JARID2: variants seen among roughly 807,000 people sequenced by gnomAD.
JARID2 encodes the protein protein Jumonji.
In JARID2, 21 loss-of-function variants were observed where a neutral mutation model predicts 125.6. The ratio of observed to expected loss-of-function variants is 0.17; its 90% confidence interval spans 0.12 to 0.24. JARID2 has a LOEUF of 0.24. JARID2 is among the 10% of genes least tolerant of loss of function. The pLI is 1.00. For synonymous variants in JARID2, 736 were observed against 661.6 expected (o/e 1.11, Z -1.73); for missense variants, 1,303 against 1,639.6 (o/e 0.79, Z 3.55).
Position 15,468,696 on chromosome 6 carries a change from C to G in JARID2, c.648C>G (p.His216Gln), listed in dbSNP as rs753721185. Residue 216 changes from histidine (H) to glutamine (Q), a missense_variant, in exon 5 of 18, where the codon CAC (histidine) becomes CAG (glutamine). Transcript: ENST00000341776. ...CQSTPRKGKT[H>Q]KHVHNGHVFN... ...CGACCCCCAGGAAAGGAAAAACCCA[C>G]AAACATGTTCACAACGGGCATGGTA... is the stretch of plus-strand genomic sequence containing the variant. The G allele has an allele frequency of 8.7e-6, 14 of 1,613,238 alleles. No individual in the cohort carries two copies. The highest frequency in any genetic ancestry group is 1.2e-5 in the Non-Finnish European group (14 of 1,179,602).
intron 1 of JARID2, among the ~76,000 whole-genome samples, chr6:15,349,774 A>ACCT (rs1763364130): frequency 6.6e-6 from 1 of 152,132 alleles, no homozygotes; most frequent in Non-Finnish European, 1.5e-5. Context: ...TGGGGATGCT[A>ACCT]CCTCCTTCCC....
At chr6:15,472,336 C>A (rs901925232) in intron 5 of JARID2, among the ~76,000 whole-genome samples, 1 of 152,070 alleles carries the variant, frequency 6.6e-6, no homozygotes, top group Non-Finnish European at 1.5e-5. Context: ...AGGAAGCATA[C>A]CCAAACCAGC....
At chr6:15,306,940 T>A (rs928521415) in intron 1 of JARID2, among the ~76,000 whole-genome samples, 3 of 148,548 alleles carry the variant, frequency 2.0e-5, no homozygotes, top group Non-Finnish European at 3.0e-5. Context: ...ATATATATAT[T>A]TTTAACATTA....
At chr6:15,332,943 T>C (rs1245632146) in intron 1 of JARID2, among the ~76,000 whole-genome samples, 6 of 135,472 alleles carry the variant, frequency 4.4e-5, no homozygotes, top group African/African-American at 1.4e-4. Context: ...TTCTTTTTTT[T>C]TTTTTTTTTT....
chr6:15,406,259 C>A (rs557345952), intron 2 of JARID2, among the ~76,000 whole-genome samples: 2 of 152,274 alleles, frequency 1.3e-5, no homozygotes, highest in East Asian at 1.9e-4. Context: ...CATGGTGAAA[C>A]CCCGTCTCTA....
rs142298484 is a variant in JARID2 at position 15,372,618 on chromosome 6, T to C, written c.46-1499T>C. ...ATCCGTCCGCCTTGTCCTCTCAAAG[T>C]GCTGGGATTACAGGCATGAGCCACT... On this transcript the variant is annotated intron_variant, in intron 1 of 17. Transcript: ENST00000341776. 7.5e-3 allele frequency among the ~76,000 whole-genome samples: 1,143 copies of C among 152,274 alleles called. 15 individuals carry two copies. Among genetic ancestry groups the C allele is most frequent in the African/African-American group, 0.026 (1,084 of 41,548 alleles).
At chr6:15,457,265 G>A (rs1236889058) in intron 4 of JARID2, among the ~76,000 whole-genome samples, 4 of 152,112 alleles carry the variant, frequency 2.6e-5, no homozygotes, top group Non-Finnish European at 2.9e-5. Context: ...TGCTAATGAC[G>A]CATATCCTTA....
At chr6:15,416,339 C>T (rs1766209532) in intron 3 of JARID2, among the ~76,000 whole-genome samples, 1 of 152,194 alleles carries the variant, frequency 6.6e-6, no homozygotes, top group African/African-American at 2.4e-5. Context: ...AGGCAGGCGG[C>T]TGGGAGGTGG....
At chr6:15,430,193 T>A (rs1766910606) in intron 3 of JARID2, among the ~76,000 whole-genome samples, 1 of 152,232 alleles carries the variant, frequency 6.6e-6, no homozygotes, top group Non-Finnish European at 1.5e-5. Flanking sequence ...TATCTGACGT[T>A]CTTGCTAAGA....
At chr6:15,319,647 C>T (rs1427099617) in intron 1 of JARID2, among the ~76,000 whole-genome samples, 1 of 152,118 alleles carries the variant, frequency 6.6e-6, no homozygotes, top group East Asian at 1.9e-4. Context: ...CTCAAGTGAT[C>T]CACCTGCTTC....
At chr6:15,468,494 G>A (rs79097145) in intron 4 of JARID2, 48 bp from the exon 5 acceptor site, 2 of 601,366 alleles carry the variant, frequency 3.3e-6, no homozygotes, top group Non-Finnish European at 4.3e-6. Context: ...TCTGGAAAGG[G>A]TGAGGGTCAA....
chr6:15,337,412 A>G (rs1396650743), intron 1 of JARID2, among the ~76,000 whole-genome samples: 1 of 152,154 alleles, frequency 6.6e-6, no homozygotes, highest in Non-Finnish European at 1.5e-5. Context: ...ACCTCCTGTT[A>G]TCCTTTCCTC....
chr6:15,507,467 A>C, intron 11 of JARID2, 51 bp downstream of exon 11: 1 of 1,500,964 alleles, frequency 6.7e-7, no homozygotes. Flanking sequence ...CATGAGTCCT[A>C]CTTGCTGAGA....
At chr6:15,341,912 T>A (rs566351159) in intron 1 of JARID2, among the ~76,000 whole-genome samples, 1 of 152,342 alleles carries the variant, frequency 6.6e-6, no homozygotes, top group East Asian at 1.9e-4. Context: ...CCTATTTAAG[T>A]CCTGTTGAGT....
intron 5 of JARID2, among the ~76,000 whole-genome samples, chr6:15,469,290 GTCTCTCTGTCTCTGTCTC>G (rs1768909191): frequency 1.3e-5 from 1 of 76,780 alleles, no homozygotes; most frequent in Admixed American, 1.5e-4. Flanking sequence ...CTCTGTCTCT[GTCTCTCTGTCTCTGTCTC>G]TCTCTCTCTG....
chr6:15,446,656 A>G (rs1018061070), intron 3 of JARID2, among the ~76,000 whole-genome samples: 2 of 151,934 alleles, frequency 1.3e-5, no homozygotes, highest in African/African-American at 4.8e-5. Flanking sequence ...ACTCCCATAT[A>G]CTCTATGGGA....
chr6:15,475,137 G>C (rs1013712073), intron 5 of JARID2, among the ~76,000 whole-genome samples: 3 of 152,202 alleles, frequency 2.0e-5, no homozygotes, highest in African/African-American at 7.2e-5. Context: ...TGTAAGTTTA[G>C]AGCGGAATTC....
chr6:15,446,305 A>G (rs1217226360), intron 3 of JARID2, among the ~76,000 whole-genome samples: 1 of 152,176 alleles, frequency 6.6e-6, no homozygotes, highest in Non-Finnish European at 1.5e-5. Flanking sequence ...GTGTATACCA[A>G]CAGAAGGGCA....
chr6:15,447,615 A>C (rs1208339145), intron 3 of JARID2, among the ~76,000 whole-genome samples: 1 of 152,208 alleles, frequency 6.6e-6, no homozygotes, highest in Non-Finnish European at 1.5e-5. Flanking sequence ...AGTGATTCTG[A>C]ACCTCTTTTA....
Sources: gnomAD v4.1 joint callset for allele counts (sites outside exome capture counted in the v4.1 genomes callset) on GRCh38, gnomAD v4.1.1 for gene constraint, MANE v1.5 for transcripts, NCBI Gene and HGNC (gene_info 2026-07-23, HGNC 2026-07-21) for gene names.